The following DOCK8 variants were observed in gnomAD, a reference collection of about 807,000 sequenced individuals.
The protein encoded by DOCK8 is dedicator of cytokinesis protein 8.
Under a neutral mutation model 245.6 loss-of-function variants are expected in DOCK8, and 141 were observed. The ratio of observed to expected loss-of-function variants is 0.57; its 90% CI spans 0.50 to 0.66. DOCK8 has a LOEUF of 0.66. DOCK8 is among the 30% of genes least tolerant of loss of function. The probability of loss-of-function intolerance (pLI) is 0.00; values close to 1 mark genes in which losing one functional copy is unlikely to be tolerated. For missense variants in DOCK8, 2,965 were observed against 2,603.4 expected (o/e 1.14, Z -3.02); for synonymous variants, 1,168 against 970.2 (o/e 1.20, Z -3.79).
chr9:438,595 T>C (rs994079025), intron 39 of DOCK8, among the ~76,000 whole-genome samples: 7 of 152,172 alleles, frequency 4.6e-5, no homozygotes, highest in Non-Finnish European at 8.8e-5. Flanking sequence ...TCTCTAAATT[T>C]TGTCTTGGGT....
In DOCK8 at chr9:457,328, A is replaced by G. The variant is rs560512302; in HGVS notation, c.6068+5211A>G. Among the ~76,000 whole-genome samples, 6 of 152,304 alleles carry G rather than the reference A, an allele frequency of 3.9e-5. No individual in the cohort carries two copies. The East Asian group carries it at 1.2e-3, about 29-fold the overall frequency. On this transcript the variant is annotated intron_variant, in intron 46 of 47. Coordinates refer to ENST00000432829, the MANE Select transcript of DOCK8 (RefSeq NM_203447.4). Reference sequence around the variant, plus strand: ...TACCCTCGGTTTCCCCAGATGTAAAATCGGAATAATAATTGTACCTCTCCC... The same window carrying G: ...TACCCTCGGTTTCCCCAGATGTAAAGTCGGAATAATAATTGTACCTCTCCC...
intron 6 of DOCK8, chr9:312,656 C>T (rs139527281): frequency 2.8e-6 from 1 of 354,884 alleles, no homozygotes; most frequent in African/African-American, 2.1e-5. Flanking sequence ...GCCCATGCTC[C>T]CAATGTATAG....
At chr9:234,056 G>T (rs545935738) in intron 1 of DOCK8, among the ~76,000 whole-genome samples, 175 of 152,116 alleles carry the variant, frequency 1.2e-3, no homozygotes, top group African/African-American at 4.0e-3. Context: ...TTCCATGTTT[G>T]GTGCTTCCTT....
chr9:253,981 G>A (rs2047710890), intron 1 of DOCK8, among the ~76,000 whole-genome samples: 1 of 152,226 alleles, frequency 6.6e-6, no homozygotes, highest in African/African-American at 2.4e-5. Flanking sequence ...TTCTAAAACT[G>A]TTGAAAGTTG....
intron 12 of DOCK8, among the ~76,000 whole-genome samples, chr9:338,267 G>A (rs900366174): frequency 6.6e-6 from 1 of 152,148 alleles, no homozygotes; most frequent in Admixed American, 6.5e-5. Context: ...CCATAGCTAC[G>A]CAGTCTTCGT....
intron 26 of DOCK8, among the ~76,000 whole-genome samples, chr9:400,039 ACCAC>A (rs2054710424): frequency 4.3e-5 from 5 of 115,982 alleles, no homozygotes. Flanking sequence ...CATCACCACC[ACCAC>A]CTCCACCATC....
chr9:338,713 C>CG (rs1323411935), intron 12 of DOCK8, among the ~76,000 whole-genome samples: 3 of 151,852 alleles, frequency 2.0e-5, no homozygotes, highest in African/African-American at 7.3e-5. Flanking sequence ...TGAGAGTTAT[C>CG]GGGGGGAAGC....
At chr9:285,877 C>T (rs757334510) in intron 2 of DOCK8, among the ~76,000 whole-genome samples, 10 of 152,164 alleles carry the variant, frequency 6.6e-5, no homozygotes, top group African/African-American at 1.2e-4. Flanking sequence ...CAGCACCAGT[C>T]GCCCCAGTGA....
At chr9:345,362 G>A (rs371786677) in intron 14 of DOCK8, among the ~76,000 whole-genome samples, 65 of 152,244 alleles carry the variant, frequency 4.3e-4, no homozygotes, top group Middle Eastern at 6.8e-3. Context: ...CACCTCTGTC[G>A]GGCCAAACAA....
At position 381,275 on chromosome 9, in the gene DOCK8, C is replaced by T. The variant is rs566521754; in HGVS notation, c.2606-1238C>T. On this transcript the variant is annotated intron_variant, in intron 21 of 47. Transcript: ENST00000432829. The stretch of plus-strand genomic sequence containing the variant: ...TTTGTCTGCCCATTTGATAATCCCT[C>T]ACTGGTCTTTACCCACTTGCTAATT... The T allele has an allele frequency of 6.6e-5, 10 of 152,332 alleles. 1 individual carries two copies. The highest frequency in any genetic ancestry group is 2.2e-4 in the African/African-American group (9 of 41,572). The allele number at this position is 152,332 out of a possible 1,614,324, so 9.4% of individuals were successfully genotyped here.
At chr9:452,904 T>C (rs1317666646) in intron 46 of DOCK8, 1 of 152,220 alleles carries the variant, frequency 6.6e-6, no homozygotes, top group Non-Finnish European at 1.5e-5. Context: ...TTGGGTCTCC[T>C]ATGGTCCTAA....
rs768050862 is a variant in DOCK8 at position 304,703 on chromosome 9, A to C, written c.527A>C (p.Gln176Pro). The C allele has an allele frequency of 1.2e-6, 2 of 1,614,040 alleles. No homozygotes were observed. The highest frequency in any genetic ancestry group is 1.3e-5 in the African/African-American group (1 of 74,936). Residue 176 changes from glutamine (Q) to proline (P), a missense_variant and splice_region_variant, in exon 5 of 48, where the codon CAG (glutamine) becomes CCG (proline). By Grantham distance (76) the Gln-to-Pro change is moderately conservative. Transcript: ENST00000432829. ...ETLECSEPAA[Q>P]AGPRHLNVLC... Reference sequence around the variant, plus strand: ...TTGGAGTGCAGTGAACCCGCTGCTCAGGTATTTCCTGTCAACAAACATGGT... The same window carrying C: ...TTGGAGTGCAGTGAACCCGCTGCTCCGGTATTTCCTGTCAACAAACATGGT...
chr9:276,744 G>A (rs1048433230), intron 2 of DOCK8, among the ~76,000 whole-genome samples: 1 of 152,266 alleles, frequency 6.6e-6, no homozygotes. Flanking sequence ...ACCTATTCAG[G>A]CAAACAAGTC....
intron 19 of DOCK8, 104 bp from the exon 20 acceptor site, chr9:376,873 G>A: frequency 9.7e-7 from 1 of 1,035,580 alleles, no homozygotes; most frequent in Admixed American, 2.0e-5. Flanking sequence ...TGAAACGCTG[G>A]ATAAGAGGTT....
At chr9:364,641 GAA>G (rs34033459) in intron 14 of DOCK8, among the ~76,000 whole-genome samples, 116 of 84,478 alleles carry the variant, frequency 1.4e-3, no homozygotes, top group Middle Eastern at 6.2e-3. Flanking sequence ...CTCAAAAATT[GAA>G]AAAAAAAAAA....
rs528864067 is a variant in DOCK8 at position 438,721 on chromosome 9, AACAC to A, written c.5080-516_5080-513del. On this transcript the variant is annotated intron_variant, in intron 39 of 47. Coordinates refer to ENST00000432829, the MANE Select transcript of DOCK8 (RefSeq NM_203447.4). Reference sequence around the variant, plus strand: ...AAACAAAATGTTCAGGAAGAACAAAAACACACACACAGTAACTGCTGCAATGCCA... The same window carrying A: ...AAACAAAATGTTCAGGAAGAACAAAAACACACAGTAACTGCTGCAATGCCA... Among the ~76,000 whole-genome samples the A allele has an allele frequency of 2.6e-5, 4 of 152,202 alleles. No individual in the cohort carries two copies. In the South Asian group the frequency reaches 8.3e-4, roughly 31 times the overall value.
chr9:239,530 C>A (rs1164257183), intron 1 of DOCK8, among the ~76,000 whole-genome samples: 1 of 152,162 alleles, frequency 6.6e-6, no homozygotes, highest in Non-Finnish European at 1.5e-5. Context: ...GGAGAAGAAG[C>A]AATTGATCCT....
chr9:354,874 A>C (rs2052349531), intron 14 of DOCK8, among the ~76,000 whole-genome samples: 1 of 152,194 alleles, frequency 6.6e-6, no homozygotes, highest in Admixed American at 6.5e-5. Flanking sequence ...CCTAATCTCA[A>C]GAGCAGTACC....
rs373419076 is a variant in DOCK8 at position 245,801 on chromosome 9, G to A, written c.54-25826G>A. Among the ~76,000 whole-genome samples the A allele has an allele frequency of 8.5e-5, 13 of 152,332 alleles. No individual in the cohort carries two copies. The South Asian group carries it at 2.5e-3, about 29-fold the overall frequency. On this transcript the variant is annotated intron_variant, in intron 1 of 47. Transcript: ENST00000432829. The stretch of plus-strand genomic sequence containing the variant: ...TCCAGGTCATTGGCAGAATAGAGAT[G>A]CAAACCAAGAACTTGGGCAGCACCA...
Sources: gnomAD v4.1 joint callset for allele counts (sites outside exome capture counted in the v4.1 genomes callset) on GRCh38, gnomAD v4.1.1 for gene constraint, MANE v1.5 for transcripts, NCBI Gene and HGNC (gene_info 2026-07-23, HGNC 2026-07-21) for gene names.